Variants in CATSPER3 observed in about 807,000 individuals in gnomAD.
CATSPER3 encodes the protein cation channel sperm-associated protein 3.
In CATSPER3, 23 loss-of-function variants were observed where a neutral mutation model predicts 36.6. The observed-to-expected ratio is 0.63, with a 90% CI of 0.45 to 0.89. The LOEUF is 0.89. Ranked by LOEUF, CATSPER3 falls within the 40% of genes least tolerant of loss-of-function variation. The pLI, the probability that CATSPER3 is intolerant of heterozygous loss-of-function variation, is 0.00. For synonymous variants in CATSPER3, 172 were observed against 184.1 expected (o/e 0.93, Z 0.53); for missense variants, 474 against 503.9 (o/e 0.94, Z 0.57).
intron 2 of CATSPER3, among the ~76,000 whole-genome samples, chr5:134,982,202 C>A (rs1666790783): frequency 1.3e-5 from 2 of 152,152 alleles, no homozygotes; most frequent in Admixed American, 1.3e-4. Flanking sequence ...CCTATGAGAA[C>A]TGTGGGACAC....
intron 3 of CATSPER3, among the ~76,000 whole-genome samples, chr5:134,998,327 C>T (rs1225934948): frequency 1.3e-5 from 2 of 152,200 alleles, no homozygotes; most frequent in Non-Finnish European, 2.9e-5. Context: ...CATTGATGGG[C>T]ATTCGGGTTG....
rs544147737 is a variant in CATSPER3, at chr5:134,985,875, C to T, written c.253-10398C>T. Among the ~76,000 whole-genome samples the T allele has an allele frequency of 1.8e-3, 272 of 151,718 alleles. 3 individuals are homozygous for T. Among genetic ancestry groups the T allele is most frequent in the Admixed American group, 7.9e-3 (121 of 15,226 alleles). The stretch of plus-strand genomic sequence containing the variant: ...GACTGTGTCACTGCACTCCAGACTA[C>T]GTGATAGAGCAAGATCTTGTCTCAA... On this transcript the variant is annotated intron_variant, in intron 2 of 7. Transcript: ENST00000282611.
rs938253233 is a variant in CATSPER3, at chr5:135,004,407, C to G, written c.493-3550C>G. On this transcript the variant is annotated intron_variant, in intron 3 of 7. Coordinates refer to ENST00000282611, the MANE Select transcript of CATSPER3 (RefSeq NM_178019.3). Reference sequence around the variant, plus strand: ...TGGCTCCCCATTTTCAGGCTACAGACAGACCTTGCAGTGTGTCCTAAGAGG... The same window carrying G: ...TGGCTCCCCATTTTCAGGCTACAGAGAGACCTTGCAGTGTGTCCTAAGAGG... Among the ~76,000 whole-genome samples, 7 of 152,300 alleles carry G rather than the reference C, an allele frequency of 4.6e-5. No homozygotes were observed. In the South Asian group the frequency reaches 1.0e-3, roughly 23 times the overall value.
chr5:134,975,531 T>C (rs1474143443), intron 2 of CATSPER3, among the ~76,000 whole-genome samples: 1 of 152,218 alleles, frequency 6.6e-6, no homozygotes, highest in Non-Finnish European at 1.5e-5. Flanking sequence ...GAGGATTGCT[T>C]GAGCTCAGGA....
In CATSPER3 at chr5:135,008,124, C is replaced by T; in HGVS notation, c.660C>T (p.Leu220=). Residue 220 remains leucine (L), a synonymous_variant, in exon 4 of 8, where the codon CTC becomes CTT. Transcript: ENST00000282611. ...WGNLAAAFFT[L]FSLATVDGWT... Reference sequence around the variant, plus strand: ...ACCTGGCTGCAGCTTTTTTCACCCTCTTCAGCTTGGCCACGGTACTGTGTT... The same window carrying T: ...ACCTGGCTGCAGCTTTTTTCACCCTTTTCAGCTTGGCCACGGTACTGTGTT... The T allele has an allele frequency of 1.2e-6, 2 of 1,614,072 alleles. No individual in the cohort carries two copies.
chr5:135,008,748 C>T (rs905602283), intron 4 of CATSPER3, 93 bp from the exon 5 acceptor site: 11 of 1,110,702 alleles, frequency 9.9e-6, no homozygotes, highest in African/African-American at 9.2e-5. Flanking sequence ...CCACCCTTCT[C>T]CTCAGTGGGC....
chr5:135,003,506 A>C (rs1189190750), intron 3 of CATSPER3, among the ~76,000 whole-genome samples: 1 of 152,214 alleles, frequency 6.6e-6, no homozygotes, highest in Non-Finnish European at 1.5e-5. Flanking sequence ...TTAAGTCTGC[A>C]GAAGTTTCTG....
At chr5:134,973,805 A>T (rs1421368760) in intron 2 of CATSPER3, among the ~76,000 whole-genome samples, 2 of 152,198 alleles carry the variant, frequency 1.3e-5, no homozygotes, top group Non-Finnish European at 2.9e-5. Context: ...ATGTATTGAA[A>T]TTCACCAAAT....
intron 2 of CATSPER3, among the ~76,000 whole-genome samples, chr5:134,977,376 C>CGGA (rs1751686658): frequency 6.6e-6 from 1 of 152,206 alleles, no homozygotes; most frequent in South Asian, 2.1e-4. Context: ...CCTAAGTCAT[C>CGGA]ACTCTTATGT....
chr5:135,009,453 G>A lies in CATSPER3; in HGVS notation c.899G>A (p.Arg300Gln), dbSNP rs151000651. 5.0e-5 allele frequency: 80 copies of A among 1,606,836 alleles called. No homozygotes were observed. The highest frequency in any genetic ancestry group is 6.2e-5 in the Non-Finnish European group (73 of 1,177,294). The change falls in exon 6 of 8, where the codon CGG (arginine) becomes CAG (glutamine). Residue 300 changes from arginine (R) to glutamine (Q), a missense_variant. By Grantham distance (43) the Arg-to-Gln change is conservative. Transcript: ENST00000282611. The stretch of plus-strand genomic sequence containing the variant: ...GGAGAGAAGCAGGTGATTCTGCAGC[G>A]GCAGCAGGAGGAGATCAGCAGGCTG... ...LMGEKQVILQ[R>Q]QQEEISRLMH...
At chr5:135,001,930 T>C (rs1752024556) in intron 3 of CATSPER3, among the ~76,000 whole-genome samples, 1 of 152,224 alleles carries the variant, frequency 6.6e-6, no homozygotes, top group Admixed American at 6.5e-5. Flanking sequence ...TGCCAGTCTG[T>C]GTCTTTTAAT....
chr5:134,988,535 A>T (rs185803965), intron 2 of CATSPER3, among the ~76,000 whole-genome samples: 2 of 152,356 alleles, frequency 1.3e-5, no homozygotes, highest in Non-Finnish European at 2.9e-5. Flanking sequence ...AACAACTTTC[A>T]TAGCATCTTC....
intron 1 of CATSPER3, chr5:134,968,411 C>G (rs979388575): frequency 5.5e-5 from 19 of 343,868 alleles, no homozygotes; most frequent in Non-Finnish European, 9.5e-5. Flanking sequence ...TATATACATT[C>G]TGGCTGGGCA....
intron 3 of CATSPER3, among the ~76,000 whole-genome samples, chr5:135,000,387 T>C (rs1752005549): frequency 6.6e-6 from 1 of 152,244 alleles, no homozygotes. Context: ...TTCTCTTTTT[T>C]TGTTGTGTCT....
rs115299415 is a variant in CATSPER3, at chr5:134,995,200, A to G, written c.253-1073A>G. ...AATGCACAATAGATTGATGTTAACT[A>G]TAGTCACTTCACTGATCTATTGAAC... On this transcript the variant is annotated intron_variant, in intron 2 of 7. Transcript: ENST00000282611. 6.7e-3 allele frequency among the ~76,000 whole-genome samples: 1,019 copies of G among 152,102 alleles called. 10 individuals are homozygous for G. Among genetic ancestry groups the G allele is most frequent in the Non-Finnish European group, 9.9e-3 (673 of 67,970 alleles).
At chr5:135,005,720 G>A (rs1340478698) in intron 3 of CATSPER3, among the ~76,000 whole-genome samples, 1 of 152,266 alleles carries the variant, frequency 6.6e-6, no homozygotes, top group African/African-American at 2.4e-5. Context: ...CTATGACAAT[G>A]AACCTGCACC....
At chr5:134,984,320 C>G (rs1751783354) in intron 2 of CATSPER3, among the ~76,000 whole-genome samples, 1 of 152,052 alleles carries the variant, frequency 6.6e-6, no homozygotes, top group South Asian at 2.1e-4. Flanking sequence ...AGGAAATAAT[C>G]AGAGTAAGTA....
chr5:134,999,751 T>A (rs989285890), intron 3 of CATSPER3, among the ~76,000 whole-genome samples: 21 of 152,212 alleles, frequency 1.4e-4, no homozygotes, highest in African/African-American at 4.1e-4. Flanking sequence ...TTTTTGCACA[T>A]TGATTTTGTA....
chr5:134,971,264 A>T (rs76117206), intron 2 of CATSPER3, among the ~76,000 whole-genome samples: 6 of 145,096 alleles, frequency 4.1e-5, no homozygotes, highest in Non-Finnish European at 7.6e-5. Context: ...CATCTCTATT[A>T]AAAAAAAAAA....
Sources: gnomAD v4.1 joint callset for allele counts (sites outside exome capture counted in the v4.1 genomes callset) on GRCh38, gnomAD v4.1.1 for gene constraint, MANE v1.5 for transcripts, NCBI Gene and HGNC (gene_info 2026-07-23, HGNC 2026-07-21) for gene names.